Variants in TLN2 observed in about 807,000 individuals in gnomAD.
The protein encoded by TLN2 is talin-2.
TLN2 carries 118 observed loss-of-function variants against 294.7 expected under a neutral mutation model. That is an observed-to-expected ratio of 0.40 (90% confidence interval 0.34 to 0.47). The LOEUF is 0.47. Among genes scored for constraint, TLN2 ranks in the 20% least tolerant of loss-of-function variants. The pLI is 0.84. For missense variants in TLN2, 3,083 were observed against 3,282.2 expected (o/e 0.94, Z 1.48); for synonymous variants, 1,431 against 1,304.5 (o/e 1.10, Z -2.09).
chr15:62,758,107 A>G (rs1466081257), intron 37 of TLN2, among the ~76,000 whole-genome samples: 1 of 152,072 alleles, frequency 6.6e-6, no homozygotes, highest in Non-Finnish European at 1.5e-5. Context: ...TCTTTTAACC[A>G]TGAGGATGTG....
chr15:62,714,196 T>G (rs1259191609), intron 22 of TLN2, among the ~76,000 whole-genome samples: 2 of 84,892 alleles, frequency 2.4e-5, no homozygotes, highest in Non-Finnish European at 4.8e-5. Context: ...CACGTTTTTT[T>G]TTTTTTTTTT....
In TLN2 at chr15:62,833,687, C is replaced by T; in HGVS notation, c.7128+58C>T. On this transcript the variant is annotated intron_variant, in intron 55 of 58. Transcript: ENST00000636159. ...TCAACGTACGAGAGCCTCAGGGGGC[C>T]CAGGAAAAGAGCTACAAGCTTTTGT... The T allele has an allele frequency of 3.8e-6, 6 of 1,576,338 alleles. No individual in the cohort carries two copies. The South Asian group carries it at 5.8e-5, about 15-fold the overall frequency.
intron 1 of TLN2, among the ~76,000 whole-genome samples, chr15:62,466,241 C>T (rs1391284339): frequency 6.6e-6 from 1 of 152,176 alleles, no homozygotes; most frequent in Admixed American, 6.5e-5. Context: ...ACCAGAGACC[C>T]AGGAAGGTCC....
At chr15:62,526,214 C>T (rs2040731335) in intron 1 of TLN2, among the ~76,000 whole-genome samples, 1 of 152,270 alleles carries the variant, frequency 6.6e-6, no homozygotes, top group South Asian at 2.1e-4. Flanking sequence ...ACTGCAAGTT[C>T]TGCCTCCCAG....
At chr15:62,680,031 C>T (rs376249994) in intron 11 of TLN2, among the ~76,000 whole-genome samples, 2 of 152,142 alleles carry the variant, frequency 1.3e-5, no homozygotes, top group African/African-American at 4.8e-5. Context: ...TGTTCTTGTT[C>T]AAATATGTGT....
rs776014254 is a variant in TLN2, at chr15:62,841,536, G to C, written c.*926G>C. The C allele has an allele frequency of 6.6e-6, 1 of 152,092 alleles. No homozygotes were observed. Among genetic ancestry groups the C allele is most frequent in the Non-Finnish European group, 1.5e-5 (1 of 68,030 alleles). The allele number at this position is 152,092 out of a possible 1,614,324, so 9.4% of individuals were successfully genotyped here. On this transcript the variant is annotated 3_prime_UTR_variant, in exon 59 of 59. Transcript: ENST00000636159. ...GTGCCTTCAGAATGGTCACAAGCCC[G>C]GATTGGAAAGGATCTGCTTACAAAC...
chr15:62,837,795 C>T (rs534722446), intron 57 of TLN2, among the ~76,000 whole-genome samples: 13 of 152,276 alleles, frequency 8.5e-5, no homozygotes, highest in African/African-American at 2.2e-4. Context: ...TTAATTGGTT[C>T]GCGTCCCACC....
At chr15:62,549,484 C>CCATG (rs1037459286) in intron 1 of TLN2, among the ~76,000 whole-genome samples, 3 of 118,944 alleles carry the variant, frequency 2.5e-5, no homozygotes, top group African/African-American at 1.1e-4. Context: ...TGCCATGCAT[C>CCATG]CATCCATCCA....
chr15:62,469,930 G>A (rs556630047), intron 1 of TLN2, among the ~76,000 whole-genome samples: 3 of 152,128 alleles, frequency 2.0e-5, no homozygotes, highest in African/African-American at 7.2e-5. Flanking sequence ...GCGTGTGGGT[G>A]TGTGTTTGTG....
intron 3 of TLN2, chr15:62,638,723 C>T (rs1299084649): frequency 3.0e-5 from 13 of 427,830 alleles, no homozygotes; most frequent in African/African-American, 6.2e-5. Context: ...GCTGACTTCT[C>T]CCCACCCCAT....
intron 3 of TLN2, among the ~76,000 whole-genome samples, chr15:62,629,277 C>T (rs572476185): frequency 6.6e-6 from 1 of 152,266 alleles, no homozygotes; most frequent in South Asian, 2.1e-4. Context: ...CTTTTTGTGA[C>T]CTTGGATGGA....
chr15:62,813,284 GC>G (rs1344617865), intron 52 of TLN2, among the ~76,000 whole-genome samples: 1 of 152,134 alleles, frequency 6.6e-6, no homozygotes, highest in Non-Finnish European at 1.5e-5. Flanking sequence ...TTAAAAGCCT[GC>G]CAGCTGAGTT....
chr15:62,816,000 C>T (rs368140739), intron 52 of TLN2, among the ~76,000 whole-genome samples: 2 of 152,128 alleles, frequency 1.3e-5, no homozygotes, highest in African/African-American at 2.4e-5. Context: ...CTTCTGCAAC[C>T]GTCATCAAAG....
chr15:62,755,817 A>C, intron 37 of TLN2, 124 bp downstream of exon 37: 1 of 1,310,680 alleles, frequency 7.6e-7, no homozygotes. Context: ...ATTCAGTCTT[A>C]TGGTTTGTGT....
chr15:62,610,311 A>G (rs2047819179), intron 2 of TLN2, among the ~76,000 whole-genome samples: 1 of 152,254 alleles, frequency 6.6e-6, no homozygotes, highest in Non-Finnish European at 1.5e-5. Context: ...CTCCTAGGAG[A>G]AATACAGGCT....
At chr15:62,586,531 A>G (rs768048992) in intron 1 of TLN2, among the ~76,000 whole-genome samples, 3 of 152,254 alleles carry the variant, frequency 2.0e-5, no homozygotes, top group Non-Finnish European at 4.4e-5. Context: ...AACTTTTACA[A>G]ATAAAGCAAA....
intron 29 of TLN2, 64 bp downstream of exon 29, chr15:62,737,150 C>A: frequency 6.4e-7 from 1 of 1,562,334 alleles, no homozygotes; most frequent in South Asian, 1.2e-5. Context: ...TGTGGTCGGG[C>A]TGTCTCCTGG....
intron 1 of TLN2, among the ~76,000 whole-genome samples, chr15:62,534,945 C>A (rs1248831328): frequency 6.6e-6 from 1 of 152,186 alleles, no homozygotes; most frequent in Admixed American, 6.5e-5. Flanking sequence ...TGGCTCTGCC[C>A]CTAAGTGGCA....
intron 12 of TLN2, among the ~76,000 whole-genome samples, chr15:62,691,038 GAGGGA>G (rs2057850720): frequency 7.3e-6 from 1 of 136,092 alleles, no homozygotes; most frequent in Non-Finnish European, 1.6e-5. Context: ...GGGAGAGGGA[GAGGGA>G]GAGGGGGAGG....
Sources: gnomAD v4.1 joint callset for allele counts (sites outside exome capture counted in the v4.1 genomes callset) on GRCh38, gnomAD v4.1.1 for gene constraint, MANE v1.5 for transcripts, NCBI Gene and HGNC (gene_info 2026-07-23, HGNC 2026-07-21) for gene names.